PTPRN2: variants seen among roughly 807,000 people sequenced by gnomAD.
PTPRN2 encodes protein tyrosine phosphatase receptor type N2.
A neutral mutation model predicts 118.8 loss-of-function variants in PTPRN2; 74 were observed. That is an observed-to-expected ratio of 0.62 (90% CI 0.52 to 0.76). The LOEUF (loss-of-function observed/expected upper bound fraction) is 0.76, where lower values mean the gene tolerates loss of function less well. Ranked by LOEUF, PTPRN2 falls within the 30% of genes least tolerant of loss-of-function variation. The probability of loss-of-function intolerance (pLI) is 0.00; values close to 1 mark genes in which losing one functional copy is unlikely to be tolerated. For synonymous variants in PTPRN2, 641 were observed against 608.0 expected (o/e 1.05, Z -0.80); for missense variants, 1,481 against 1,394.4 (o/e 1.06, Z -0.99).
intron 1 of PTPRN2, among the ~76,000 whole-genome samples, chr7:158,492,394 G>T (rs755300990): frequency 3.3e-5 from 5 of 152,198 alleles, no homozygotes; most frequent in Non-Finnish European, 5.9e-5. Flanking sequence ...GCTAGGAGAG[G>T]CACCGGGAAG....
At chr7:158,146,069 T>C (rs951090024) in intron 6 of PTPRN2, among the ~76,000 whole-genome samples, 2 of 106,440 alleles carry the variant, frequency 1.9e-5, no homozygotes, top group East Asian at 5.4e-4. Context: ...CTTTTCCCCC[T>C]TTCCCATCCA....
intron 10 of PTPRN2, among the ~76,000 whole-genome samples, chr7:158,108,924 C>T (rs1294621889): frequency 6.6e-6 from 1 of 152,252 alleles, no homozygotes; most frequent in Admixed American, 6.5e-5. Flanking sequence ...GTGAAGGGGC[C>T]AGTGAGTGAA....
chr7:158,179,198 C>A (rs1824483918), intron 5 of PTPRN2, among the ~76,000 whole-genome samples: 1 of 152,124 alleles, frequency 6.6e-6, no homozygotes, highest in African/African-American at 2.4e-5. Flanking sequence ...AATAGTCATT[C>A]TTGCAGGAGT....
At chr7:158,273,931 G>GA (rs1798741988) in intron 3 of PTPRN2, among the ~76,000 whole-genome samples, 1 of 139,592 alleles carries the variant, frequency 7.2e-6, no homozygotes, top group Non-Finnish European at 1.5e-5. Context: ...CAGACACAGG[G>GA]GGAGCCGCAG....
At chr7:157,788,183 G>A (rs1043188701) in intron 12 of PTPRN2, among the ~76,000 whole-genome samples, 2 of 152,064 alleles carry the variant, frequency 1.3e-5, no homozygotes, top group Admixed American at 6.5e-5. Flanking sequence ...AGATCATCCC[G>A]GCTAACATGG....
At chr7:157,641,759 C>T (rs1459397863) in intron 14 of PTPRN2, among the ~76,000 whole-genome samples, 1 of 152,224 alleles carries the variant, frequency 6.6e-6, no homozygotes, top group Non-Finnish European at 1.5e-5. Flanking sequence ...AGTGCTCCCA[C>T]CTTCTGCAAA....
At chr7:157,778,377 C>T (rs1249829117) in intron 12 of PTPRN2, among the ~76,000 whole-genome samples, 1 of 151,560 alleles carries the variant, frequency 6.6e-6, no homozygotes, top group Admixed American at 6.6e-5. Flanking sequence ...GTAAACATGT[C>T]CACGTGAATA....
chr7:157,639,041 T>C (rs1433076866), intron 14 of PTPRN2, among the ~76,000 whole-genome samples: 1 of 151,882 alleles, frequency 6.6e-6, no homozygotes, highest in African/African-American at 2.4e-5. Context: ...CCTTCTTTCT[T>C]TCTTTTTTTT....
chr7:158,257,903 G>A (rs1797138582), intron 3 of PTPRN2, among the ~76,000 whole-genome samples: 1 of 152,240 alleles, frequency 6.6e-6, no homozygotes. Context: ...TGGCTTCGCG[G>A]TGACAGCAGC....
At chr7:157,728,145 G>A (rs532952255) in intron 12 of PTPRN2, among the ~76,000 whole-genome samples, 1 of 152,328 alleles carries the variant, frequency 6.6e-6, no homozygotes, top group Admixed American at 6.5e-5. Flanking sequence ...GACACATGCA[G>A]CCCGGAGGCC....
At chr7:158,396,703 C>T (rs1435181656) in intron 2 of PTPRN2, among the ~76,000 whole-genome samples, 1 of 152,142 alleles carries the variant, frequency 6.6e-6, no homozygotes, top group Non-Finnish European at 1.5e-5. Flanking sequence ...TTTGTGTGTG[C>T]ACATGTGTGC....
At chr7:158,479,858 C>T (rs573427169) in intron 2 of PTPRN2, among the ~76,000 whole-genome samples, 3 of 152,378 alleles carry the variant, frequency 2.0e-5, no homozygotes, top group South Asian at 2.1e-4. Flanking sequence ...AGCTCTGCGG[C>T]GCAGTGGGCG....
intron 2 of PTPRN2, among the ~76,000 whole-genome samples, chr7:158,437,185 C>T (rs926073691): frequency 5.3e-5 from 8 of 152,142 alleles, no homozygotes; most frequent in African/African-American, 1.7e-4. Context: ...TTCCCAGGGA[C>T]CTTCTTCCAG....
intron 3 of PTPRN2, among the ~76,000 whole-genome samples, chr7:158,282,733 C>T (rs1048279344): frequency 3.3e-5 from 5 of 151,350 alleles, no homozygotes. Flanking sequence ...CTCCCACATG[C>T]AGCAGCCAGA....
intron 11 of PTPRN2, among the ~76,000 whole-genome samples, chr7:158,004,998 C>G (rs1805540822): frequency 6.6e-6 from 1 of 151,852 alleles, no homozygotes; most frequent in Non-Finnish European, 1.5e-5. Context: ...CCTTTCCTCA[C>G]AAGCCTCAGC....
At chr7:157,870,683 C>T (rs1177477689) in intron 12 of PTPRN2, among the ~76,000 whole-genome samples, 3 of 152,198 alleles carry the variant, frequency 2.0e-5, no homozygotes, top group Non-Finnish European at 4.4e-5. Context: ...GGACCTTCTT[C>T]AGAATCTCTT....
chr7:158,407,408 T>C (rs370454291), intron 2 of PTPRN2, among the ~76,000 whole-genome samples: 1 of 55,012 alleles, frequency 1.8e-5, no homozygotes. Context: ...TCCTGCGTCC[T>C]GGGTCCTGGG....
At position 157,785,808 on chromosome 7, in the gene PTPRN2, C is replaced by T. The variant is rs567131057; in HGVS notation, c.1789-102871G>A. 6.6e-6 allele frequency among the ~76,000 whole-genome samples: 1 copy of T among 152,266 alleles called. No homozygotes were observed. Among genetic ancestry groups the T allele is most frequent in the Non-Finnish European group, 1.5e-5 (1 of 68,014 alleles). On this transcript the variant is annotated intron_variant, in intron 12 of 22. Transcript: ENST00000389418. The surrounding 1 kb of genome is among the most constrained non-coding windows in gnomAD (Gnocchi z 7.3). ...ACGCCCGGCTGGGAGCTGAGACGCGCAGGGGGCCCAGCTGAAGCCTGCGTT... is the reference window on the plus strand; with the variant it reads ...ACGCCCGGCTGGGAGCTGAGACGCGTAGGGGGCCCAGCTGAAGCCTGCGTT...
chr7:157,733,760 G>T (rs568009759), intron 12 of PTPRN2, among the ~76,000 whole-genome samples: 4 of 6,150 alleles, frequency 6.5e-4, no homozygotes, highest in South Asian at 5.2e-3. Flanking sequence ...TCCCGTCCCA[G>T]GCGCCCAGCA....
Sources: allele counts gnomAD v4.1 joint callset (sites outside exome capture counted in the v4.1 genomes callset), GRCh38; gene constraint gnomAD v4.1.1; non-coding constraint Gnocchi (gnomAD v3.1); transcripts MANE v1.5; gene names NCBI Gene and HGNC (gene_info 2026-07-23, HGNC 2026-07-21).